The following MTM1 variants were observed in gnomAD, a reference collection of about 807,000 sequenced individuals.
MTM1 encodes the protein myotubularin.
In MTM1, 9 loss-of-function variants were observed where a neutral mutation model predicts 52.1. That is an observed-to-expected ratio of 0.17 (90% CI 0.10 to 0.30). The LOEUF (loss-of-function observed/expected upper bound fraction) is 0.30, where lower values mean the gene tolerates loss of function less well. Ranked by LOEUF, MTM1 falls within the 10% of genes least tolerant of loss-of-function variation. The pLI, the probability that MTM1 is intolerant of heterozygous loss-of-function variation, is 1.00. For missense variants in MTM1, 277 were observed against 470.7 expected, an observed-to-expected ratio of 0.59 and a Z score of 3.81; for synonymous variants, 136 against 163.8, an observed-to-expected ratio of 0.83 and a Z score of 1.29.
In MTM1 at chrX:150,583,400, TTATA is replaced by T. The variant is rs1293528150; in HGVS notation, c.-10-9199_-10-9196del. ...TTATATATAATATAATATATATAAA[TTATA>T]TATATTATATTATATATAATTATAA... is the stretch of plus-strand genomic sequence containing the variant. On this transcript the variant is annotated intron_variant, in intron 1 of 14. Coordinates refer to ENST00000370396, the MANE Select transcript of MTM1 (RefSeq NM_000252.3). 3.2e-3 allele frequency among the ~76,000 whole-genome samples: 113 copies of T among 35,355 alleles called. 12 individuals are homozygous for T. The East Asian group carries it at 0.051, about 16-fold the overall frequency. 30.7% of individuals were successfully genotyped at this position (35,355 alleles called of 115,157 possible). A position where few individuals can be genotyped will look rare whatever the true frequency, so the allele number is the denominator to read the frequency against.
At chrX:150,661,388 C>G (rs911536853) in intron 13 of MTM1, among the ~76,000 whole-genome samples, 2 of 111,399 alleles carry the variant, frequency 1.8e-5, no homozygotes, top group African/African-American at 3.3e-5. Context: ...AGAGGTTCCC[C>G]CAAAAGTAAA....
chrX:150,578,795 T>C (rs1483030707), intron 1 of MTM1, among the ~76,000 whole-genome samples: 1 of 110,553 alleles, frequency 9.0e-6, no homozygotes, highest in Admixed American at 9.7e-5. Context: ...TTATAATAAG[T>C]CTGGGGATCA....
rs1446883344 is a variant in MTM1, at chrX:150,672,250, C to T, written c.*655C>T. 3 of 111,843 alleles carry T rather than the reference C, an allele frequency of 2.7e-5. No individual in the cohort carries two copies. The highest frequency in any genetic ancestry group is 9.5e-5 in the Admixed American group (1 of 10,561). The allele number at this position is 111,843 out of a possible 1,213,427, so 9.2% of individuals were successfully genotyped here. On this transcript the variant is annotated 3_prime_UTR_variant, in exon 15 of 15. Transcript: ENST00000370396. ...TTATATTTTTAAAAAACTGACAGGG[C>T]CCAGTTAAATATGATTTGCATTTTT...
intron 5 of MTM1, among the ~76,000 whole-genome samples, chrX:150,616,185 G>T (rs2039382226): frequency 9.0e-6 from 1 of 111,692 alleles, no homozygotes; most frequent in Admixed American, 9.5e-5. Flanking sequence ...ACGAACAAAA[G>T]GCGTAGGAAC....
intron 4 of MTM1, among the ~76,000 whole-genome samples, chrX:150,608,842 A>T (rs2039221106): frequency 9.1e-6 from 1 of 109,811 alleles, no homozygotes; most frequent in Non-Finnish European, 1.9e-5. Context: ...TATTATTATT[A>T]TTTTTGAGAT....
At chrX:150,586,277 G>A (rs1221412542) in intron 1 of MTM1, among the ~76,000 whole-genome samples, 1 of 111,657 alleles carries the variant, frequency 9.0e-6, no homozygotes, top group Non-Finnish European at 1.9e-5. Flanking sequence ...TGTCTATGTG[G>A]ACAGTAAACC....
chrX:150,642,873 A>G (rs1298190709), intron 8 of MTM1, among the ~76,000 whole-genome samples: 1 of 112,109 alleles, frequency 8.9e-6, no homozygotes, highest in East Asian at 2.8e-4. Flanking sequence ...AGTAGTCCCC[A>G]TTATTCTGAA....
At chrX:150,641,454 C>A in intron 8 of MTM1, 36 bp downstream of exon 8, 1 of 1,195,068 alleles carries the variant, frequency 8.4e-7, no homozygotes, top group Admixed American at 2.2e-5. Flanking sequence ...TTGAAGAGCA[C>A]CTTTTAGTCC....
intron 6 of MTM1, among the ~76,000 whole-genome samples, chrX:150,627,235 C>T (rs1322957375): frequency 8.9e-6 from 1 of 112,032 alleles, no homozygotes; most frequent in South Asian, 3.7e-4. Flanking sequence ...GACCATATGC[C>T]TTTCAACTGC....
intron 6 of MTM1, among the ~76,000 whole-genome samples, chrX:150,626,570 A>G: frequency 9.0e-6 from 1 of 111,584 alleles, no homozygotes; most frequent in South Asian, 3.8e-4. Context: ...AGCCTCCCAA[A>G]GTGCTGGGAT....
chrX:150,613,136 TAA>T (rs782155099), intron 4 of MTM1, among the ~76,000 whole-genome samples: 20,142 of 90,226 alleles, frequency 0.22, 2,599 homozygotes, highest in African/African-American at 0.46. Flanking sequence ...ACTTATCTCT[TAA>T]AAAAAAAAAA....
chrX:150,631,611 C>T (rs1467485875), intron 6 of MTM1, among the ~76,000 whole-genome samples: 1 of 88,708 alleles, frequency 1.1e-5, no homozygotes, highest in African/African-American at 4.4e-5. Context: ...TGTAGTGAGC[C>T]GAGATTGCTC....
intron 10 of MTM1, among the ~76,000 whole-genome samples, chrX:150,654,198 C>T (rs186419939): frequency 6.2e-4 from 69 of 111,914 alleles, no homozygotes; most frequent in African/African-American, 2.1e-3. Context: ...CAGAAGTGAT[C>T]GTGGGAATTA....
intron 3 of MTM1, among the ~76,000 whole-genome samples, chrX:150,598,151 A>G (rs1557412647): frequency 8.9e-6 from 1 of 112,422 alleles, no homozygotes. Context: ...TATTAAAAAC[A>G]TGATTATGTT....
intron 6 of MTM1, among the ~76,000 whole-genome samples, chrX:150,638,249 T>G (rs1022550517): frequency 6.3e-5 from 7 of 111,613 alleles, no homozygotes; most frequent in African/African-American, 2.3e-4. Flanking sequence ...TCTTAGGCAG[T>G]CTGGTGGGGT....
At chrX:150,624,713 G>A (rs1432736853) in intron 6 of MTM1, among the ~76,000 whole-genome samples, 1 of 111,902 alleles carries the variant, frequency 8.9e-6, no homozygotes, top group Admixed American at 9.5e-5. Flanking sequence ...GTGTGGCTAC[G>A]TGAAACATTT....
At chrX:150,580,756 G>C (rs781856714) in intron 1 of MTM1, among the ~76,000 whole-genome samples, 1 of 111,293 alleles carries the variant, frequency 9.0e-6, no homozygotes, top group African/African-American at 3.3e-5. Context: ...GATTCTCCCA[G>C]GATCCTAATT....
intron 6 of MTM1, among the ~76,000 whole-genome samples, chrX:150,623,084 T>G (rs2039509436): frequency 8.9e-6 from 1 of 111,823 alleles, no homozygotes; most frequent in African/African-American, 3.3e-5. Context: ...CTGAAGCCCC[T>G]TTGTAGGGCC....
At chrX:150,622,317 A>G (rs1259926997) in intron 6 of MTM1, among the ~76,000 whole-genome samples, 1 of 112,012 alleles carries the variant, frequency 8.9e-6, no homozygotes, top group African/African-American at 3.2e-5. Context: ...AATACAATGC[A>G]AGATACAGAT....
Sources: gnomAD v4.1 joint callset for allele counts (sites outside exome capture counted in the v4.1 genomes callset) on GRCh38, gnomAD v4.1.1 for gene constraint, MANE v1.5 for transcripts, NCBI Gene and HGNC (gene_info 2026-07-23, HGNC 2026-07-21) for gene names.